Variants in DCDC1 observed in about 807,000 individuals in gnomAD.
The protein encoded by DCDC1 is doublecortin domain-containing protein 1.
A neutral mutation model predicts 178.3 loss-of-function variants in DCDC1; 200 were observed. The ratio of observed to expected loss-of-function variants is 1.12; its 90% confidence interval spans 1.00 to 1.26. The LOEUF (loss-of-function observed/expected upper bound fraction) is 1.26. Ranked by LOEUF, DCDC1 falls within the 50% of genes most tolerant of loss-of-function variation. The pLI, the probability that DCDC1 is intolerant of heterozygous loss-of-function variation, is 0.00. For missense variants in DCDC1, 1,983 were observed against 1,749.2 expected (o/e 1.13, Z -2.38); for synonymous variants, 690 against 604.8 (o/e 1.14, Z -2.07).
At chr11:30,891,168 T>C (rs2134045122) in intron 36 of DCDC1, among the ~76,000 whole-genome samples, 1 of 152,334 alleles carries the variant, frequency 6.6e-6, no homozygotes, top group South Asian at 2.1e-4. Flanking sequence ...CAGACTCTAC[T>C]GCTACTTACG....
At chr11:31,262,964 C>A (rs1244681691) in intron 8 of DCDC1, 1 of 1,414,654 alleles carries the variant, frequency 7.1e-7, no homozygotes, top group Non-Finnish European at 9.7e-7. Context: ...GAGGGCAAGG[C>A]ATGCATTAAA....
chr11:30,975,562 A>G (rs1950056308), intron 20 of DCDC1, among the ~76,000 whole-genome samples: 2 of 152,092 alleles, frequency 1.3e-5, no homozygotes, highest in Non-Finnish European at 2.9e-5. Context: ...TAGTATTTCT[A>G]TATACCAAAC....
intron 7 of DCDC1, among the ~76,000 whole-genome samples, chr11:31,279,742 G>C (rs1376562482): frequency 6.6e-6 from 1 of 152,038 alleles, no homozygotes; most frequent in Non-Finnish European, 1.5e-5. Context: ...GTCAGGGGGT[G>C]GGGGGCTAGG....
At chr11:31,173,160 TA>T (rs1967482984) in intron 9 of DCDC1, among the ~76,000 whole-genome samples, 3 of 152,214 alleles carry the variant, frequency 2.0e-5, no homozygotes, top group African/African-American at 7.2e-5. Context: ...ATTTTAAATG[TA>T]TAAAAATATT....
At chr11:31,260,743 T>C (rs552710769) in intron 8 of DCDC1, among the ~76,000 whole-genome samples, 1 of 152,184 alleles carries the variant, frequency 6.6e-6, no homozygotes, top group Non-Finnish European at 1.5e-5. Flanking sequence ...TTCACCATCA[T>C]GTAATAATTA....
At chr11:31,299,577 C>T (rs545360089) in intron 6 of DCDC1, among the ~76,000 whole-genome samples, 150 of 152,226 alleles carry the variant, frequency 9.9e-4, no homozygotes, top group African/African-American at 3.6e-3. Context: ...AACTCACATT[C>T]CCATATCATG....
At chr11:30,928,782 T>C (rs1946751744) in intron 22 of DCDC1, among the ~76,000 whole-genome samples, 1 of 150,494 alleles carries the variant, frequency 6.6e-6, no homozygotes, top group African/African-American at 2.4e-5. Context: ...AAACAATATA[T>C]TTTCACTATT....
At chr11:31,116,848 C>G (rs1011713377) in intron 11 of DCDC1, among the ~76,000 whole-genome samples, 1 of 152,068 alleles carries the variant, frequency 6.6e-6, no homozygotes, top group Non-Finnish European at 1.5e-5. Context: ...CTTCATCAAT[C>G]TAAATGGTAA....
intron 15 of DCDC1, among the ~76,000 whole-genome samples, chr11:31,097,650 C>T (rs757841001): frequency 5.3e-5 from 8 of 152,100 alleles, no homozygotes; most frequent in African/African-American, 9.7e-5. Flanking sequence ...CAGTCAAACA[C>T]GGCAAAATAT....
intron 1 of DCDC1, among the ~76,000 whole-genome samples, chr11:31,351,621 CTTCT>C (rs1429429569): frequency 6.6e-6 from 1 of 152,080 alleles, no homozygotes; most frequent in East Asian, 1.9e-4. Context: ...AGGAAAAAAA[CTTCT>C]TTCACTCTAT....
chr11:31,324,100 A>G (rs1336442069), intron 3 of DCDC1, among the ~76,000 whole-genome samples: 1 of 152,106 alleles, frequency 6.6e-6, no homozygotes, highest in Non-Finnish European at 1.5e-5. Context: ...ACACATAACA[A>G]ATTTTTACTT....
chr11:31,271,311 TA>T (rs1945533478), intron 7 of DCDC1, among the ~76,000 whole-genome samples: 1 of 152,236 alleles, frequency 6.6e-6, no homozygotes, highest in Non-Finnish European at 1.5e-5. Context: ...TCTCAGCTTT[TA>T]AAGCAGTTTG....
intron 9 of DCDC1, among the ~76,000 whole-genome samples, chr11:31,225,263 T>C (rs551575332): frequency 1.8e-4 from 27 of 151,426 alleles, no homozygotes; most frequent in Middle Eastern, 3.4e-3. Flanking sequence ...CTCAGGAACA[T>C]ACAATATCCA....
intron 20 of DCDC1, among the ~76,000 whole-genome samples, chr11:31,062,134 TTCAGGAA>T (rs1165379335): frequency 6.6e-6 from 1 of 152,064 alleles, no homozygotes; most frequent in African/African-American, 2.4e-5. Context: ...CCATATATGT[TTCAGGAA>T]TCTGAGAGCA....
chr11:31,150,018 G>A (rs543784241), intron 9 of DCDC1, among the ~76,000 whole-genome samples: 7 of 152,242 alleles, frequency 4.6e-5, no homozygotes, highest in South Asian at 2.1e-4. Flanking sequence ...TGTTTTCCAC[G>A]GTGGGTGTAC....
At chr11:30,915,319 T>C (rs1027674806) in intron 27 of DCDC1, among the ~76,000 whole-genome samples, 192 bp downstream of exon 27, 1 of 152,226 alleles carries the variant, frequency 6.6e-6, no homozygotes, top group African/African-American at 2.4e-5. Flanking sequence ...AAATTGTATG[T>C]AGCTTACCTA....
At chr11:31,138,006 T>C (rs12273034) in intron 9 of DCDC1, among the ~76,000 whole-genome samples, 13,837 of 152,250 alleles carry the variant, frequency 0.091, 1,725 homozygotes, top group African/African-American at 0.28. Context: ...TTACTAAAGA[T>C]GACTTAGGGC....
chr11:31,273,120 T>C (rs1335921675), intron 7 of DCDC1, among the ~76,000 whole-genome samples: 1 of 152,208 alleles, frequency 6.6e-6, no homozygotes. Context: ...TGGGGGGCAT[T>C]GCTGTGAAGA....
chr11:31,124,431 A>G (rs1961294580), intron 11 of DCDC1, among the ~76,000 whole-genome samples: 1 of 152,182 alleles, frequency 6.6e-6, no homozygotes, highest in African/African-American at 2.4e-5. Context: ...AGAAAACACT[A>G]TTTTAAAGTT....
Sources: gnomAD v4.1 joint callset for allele counts (sites outside exome capture counted in the v4.1 genomes callset) on GRCh38, gnomAD v4.1.1 for gene constraint, MANE v1.5 for transcripts, NCBI Gene and HGNC (gene_info 2026-07-23, HGNC 2026-07-21) for gene names.